TCF12: variants seen among roughly 807,000 people sequenced by gnomAD.
TCF12 encodes the protein transcription factor 12.
TCF12 carries 45 observed loss-of-function variants against 86.0 expected under a neutral mutation model. The ratio of observed to expected loss-of-function variants is 0.52; its 90% CI spans 0.41 to 0.67. The LOEUF is 0.67. TCF12 is among the 30% of genes least tolerant of loss of function. The pLI is 0.00. For synonymous variants in TCF12, 330 were observed against 299.6 expected (o/e 1.10, Z -1.05); for missense variants, 881 against 859.9 (o/e 1.02, Z -0.31).
chr15:57,235,780 G>A (rs1362850812), intron 12 of TCF12, among the ~76,000 whole-genome samples: 1 of 151,966 alleles, frequency 6.6e-6, no homozygotes, highest in Non-Finnish European at 1.5e-5. Context: ...CATTTTGGGG[G>A]CTTTTTTTCT....
chr15:57,102,882 C>A (rs775383344), intron 5 of TCF12, among the ~76,000 whole-genome samples: 51 of 152,144 alleles, frequency 3.4e-4, no homozygotes, highest in Non-Finnish European at 6.8e-4. Context: ...AATCAGAAAT[C>A]TTTCAGAAAA....
chr15:57,243,463 T>G lies in TCF12; in HGVS notation c.1036-9T>G, dbSNP rs562754857. On this transcript the variant is annotated splice_polypyrimidine_tract_variant and intron_variant, in intron 12 of 20. Transcript: ENST00000333725. Reference sequence around the variant, plus strand: ...GTTGATACATGTATATTTCTTGTTTTCTGGTTAGATTTATTCTCCTGACCA... The same window carrying G: ...GTTGATACATGTATATTTCTTGTTTGCTGGTTAGATTTATTCTCCTGACCA... 1 of 1,612,438 alleles carries G rather than the reference T, an allele frequency of 6.2e-7. No homozygotes were observed. The highest frequency in any genetic ancestry group is 2.2e-5 in the East Asian group (1 of 44,812).
At chr15:57,084,530 A>C (rs1267464274) in intron 4 of TCF12, among the ~76,000 whole-genome samples, 1 of 152,206 alleles carries the variant, frequency 6.6e-6, no homozygotes, top group African/African-American at 2.4e-5. Context: ...TCTTGTTAAG[A>C]TGCAGATTCT....
chr15:56,967,405 G>A (rs2585081), intron 3 of TCF12, among the ~76,000 whole-genome samples: 1 of 152,090 alleles, frequency 6.6e-6, no homozygotes, highest in South Asian at 2.1e-4. Context: ...GGTATTGGAT[G>A]GAACATAATT....
At chr15:57,218,163 A>C (rs1476224218) in intron 8 of TCF12, among the ~76,000 whole-genome samples, 1 of 152,120 alleles carries the variant, frequency 6.6e-6, no homozygotes, top group Non-Finnish European at 1.5e-5. Context: ...TATTCCTAGA[A>C]TATTTCACAG....
At chr15:56,993,951 T>C (rs1278789738) in intron 3 of TCF12, among the ~76,000 whole-genome samples, 2 of 152,200 alleles carry the variant, frequency 1.3e-5, no homozygotes, top group African/African-American at 4.8e-5. Context: ...GTTGGAATTA[T>C]CTGACAGAGA....
chr15:57,008,498 G>C (rs1211158533), intron 3 of TCF12, among the ~76,000 whole-genome samples: 1 of 151,904 alleles, frequency 6.6e-6, no homozygotes, highest in Non-Finnish European at 1.5e-5. Context: ...AGGACTACAG[G>C]CATGCACCAC....
At chr15:56,922,564 A>G (rs2059840101) in intron 3 of TCF12, among the ~76,000 whole-genome samples, 1 of 152,058 alleles carries the variant, frequency 6.6e-6, no homozygotes, top group African/African-American at 2.4e-5. Flanking sequence ...TGCATTGCAC[A>G]AAGAAAAAAT....
chr15:57,042,310 T>C (rs2066950061), intron 3 of TCF12, among the ~76,000 whole-genome samples: 1 of 152,164 alleles, frequency 6.6e-6, no homozygotes, highest in Admixed American at 6.5e-5. Flanking sequence ...TAGTAATGTT[T>C]CTTTGAAGAT....
intron 3 of TCF12, among the ~76,000 whole-genome samples, chr15:56,924,663 C>T (rs572551506): frequency 6.6e-6 from 1 of 152,234 alleles, no homozygotes; most frequent in South Asian, 2.1e-4. Context: ...CCATGTTAGA[C>T]ATTTGTTTCA....
chr15:57,171,011 A>T lies in TCF12; in HGVS notation c.390+4545A>T, dbSNP rs966013935. The stretch of plus-strand genomic sequence containing the variant: ...TGGACTAGAGTTCATGCTTTAAGAA[A>T]CCCAACTCCTCTGTGTATGCCAACT... On this transcript the variant is annotated intron_variant, in intron 6 of 20. Transcript: ENST00000333725. Among the ~76,000 whole-genome samples, 4 of 150,022 alleles carry T rather than the reference A, an allele frequency of 2.7e-5. No individual in the cohort carries two copies. In the Admixed American group the frequency reaches 2.7e-4, roughly 10 times the overall value.
At chr15:57,109,273 C>T (rs910703569) in intron 5 of TCF12, 10 of 152,070 alleles carry the variant, frequency 6.6e-5, no homozygotes, top group Admixed American at 2.0e-4. Flanking sequence ...TGTGTGGAGT[C>T]TGCTGGGGAA....
chr15:57,011,534 T>G (rs1444511210), intron 3 of TCF12, among the ~76,000 whole-genome samples: 1 of 152,170 alleles, frequency 6.6e-6, no homozygotes, highest in Non-Finnish European at 1.5e-5. Flanking sequence ...TTTATAGCAG[T>G]GTGAGAACGG....
At chr15:57,257,358 G>A (rs527846726) in intron 16 of TCF12, among the ~76,000 whole-genome samples, 1 of 152,260 alleles carries the variant, frequency 6.6e-6, no homozygotes, top group South Asian at 2.1e-4. Context: ...AGAGTTGATG[G>A]CAGGATAAAA....
chr15:57,252,507 A>G lies in TCF12; in HGVS notation c.1260+15A>G. The G allele has an allele frequency of 6.2e-7, 1 of 1,609,120 alleles. No individual in the cohort carries two copies. Among genetic ancestry groups the G allele is most frequent in the Non-Finnish European group, 8.5e-7 (1 of 1,175,826 alleles). On this transcript the variant is annotated intron_variant, in intron 15 of 20. Coordinates refer to ENST00000333725, the MANE Select transcript of TCF12 (RefSeq NM_207037.2). Reference sequence around the variant, plus strand: ...ATGTCTGTGAGGTACTATTTCTTTTAGATGGTGCCTTTTTTGTGTTTCAAT... The same window carrying G: ...ATGTCTGTGAGGTACTATTTCTTTTGGATGGTGCCTTTTTTGTGTTTCAAT...
At chr15:57,259,844 A>G (rs758740620) in intron 16 of TCF12, among the ~76,000 whole-genome samples, 2 of 152,220 alleles carry the variant, frequency 1.3e-5, no homozygotes, top group Non-Finnish European at 2.9e-5. Flanking sequence ...AGCCATTTGA[A>G]TGTGGAGCTG....
At chr15:56,985,898 AG>A (rs1251935635) in intron 3 of TCF12, among the ~76,000 whole-genome samples, 3 of 152,186 alleles carry the variant, frequency 2.0e-5, no homozygotes, top group Admixed American at 2.0e-4. Flanking sequence ...ACCAACTGTG[AG>A]GCTGAAGGAA....
At chr15:56,958,305 A>G (rs1337495670) in intron 3 of TCF12, among the ~76,000 whole-genome samples, 1 of 152,128 alleles carries the variant, frequency 6.6e-6, no homozygotes, top group Admixed American at 6.5e-5. Flanking sequence ...TGTGGAGCTC[A>G]TCTAATTTGT....
intron 3 of TCF12, among the ~76,000 whole-genome samples, chr15:56,927,392 C>G (rs1219816686): frequency 1.3e-5 from 2 of 152,020 alleles, no homozygotes; most frequent in African/African-American, 4.8e-5. Context: ...GATTTATTTC[C>G]TTTTTGTCTT....
Sources: allele counts gnomAD v4.1 joint callset (sites outside exome capture counted in the v4.1 genomes callset), GRCh38; gene constraint gnomAD v4.1.1; transcripts MANE v1.5; gene names NCBI Gene and HGNC (gene_info 2026-07-23, HGNC 2026-07-21).